Variants in NPFFR2 observed in about 807,000 individuals in gnomAD.
NPFFR2 encodes the protein neuropeptide FF receptor 2.
A neutral mutation model predicts 13.1 loss-of-function variants in NPFFR2; 15 were observed. That is an observed-to-expected ratio of 1.15 (90% CI 0.77 to 1.76). The LOEUF (loss-of-function observed/expected upper bound fraction) is 1.76, where lower values mean the gene tolerates loss of function less well. NPFFR2 is among the 40% of genes most tolerant of loss of function. The probability of loss-of-function intolerance (pLI) is 0.00; values close to 1 mark genes in which losing one functional copy is unlikely to be tolerated. For synonymous variants in NPFFR2, 190 were observed against 175.7 expected (o/e 1.08, Z -0.65); for missense variants, 572 against 503.5 (o/e 1.14, Z -1.30).
chr4:72,065,090 A>AG (rs1313284251), intron 1 of NPFFR2, among the ~76,000 whole-genome samples: 2 of 151,260 alleles, frequency 1.3e-5, no homozygotes, highest in Non-Finnish European at 2.9e-5. Flanking sequence ...GGTTGCTCAG[A>AG]GAAAAAAAAA....
chr4:72,147,944 A>C lies in NPFFR2; in HGVS notation c.*132A>C, dbSNP rs1219634905. ...CATTTACTGAAAGCCCTCTCTGGCA[A>C]AAAAATTAAAAATAAACAAAAATGG... On this transcript the variant is annotated 3_prime_UTR_variant, in exon 4 of 4. Coordinates refer to ENST00000308744, the MANE Select transcript of NPFFR2 (RefSeq NM_004885.3). 1.5e-6 allele frequency: 1 copy of C among 654,558 alleles called. No individual in the cohort carries two copies. Among genetic ancestry groups the C allele is most frequent in the Non-Finnish European group, 2.4e-6 (1 of 413,204 alleles). The allele number at this position is 654,558 out of a possible 1,614,324, so 40.5% of individuals were successfully genotyped here. A position where few individuals can be genotyped will look rare whatever the true frequency, so the allele number is the denominator to read the frequency against.
chr4:72,036,355 A>G (rs1719037598), intron 1 of NPFFR2, among the ~76,000 whole-genome samples: 2 of 152,026 alleles, frequency 1.3e-5, no homozygotes, highest in South Asian at 4.1e-4. Context: ...TCCTTTCCAC[A>G]TGAAAGCTAT....
At chr4:72,130,940 G>A (rs1447261328) in intron 2 of NPFFR2, among the ~76,000 whole-genome samples, 2 of 152,142 alleles carry the variant, frequency 1.3e-5, no homozygotes, top group Non-Finnish European at 2.9e-5. Context: ...TTATTGAGCG[G>A]TGGAAGTGGC....
chr4:72,080,174 T>A (rs1363003526), intron 1 of NPFFR2, among the ~76,000 whole-genome samples: 1 of 151,932 alleles, frequency 6.6e-6, no homozygotes, highest in African/African-American at 2.4e-5. Context: ...GTTTTGTTTT[T>A]CTTTTTTTGA....
chr4:72,138,025 T>C lies in NPFFR2; in HGVS notation c.329-15T>C. Reference sequence around the variant, plus strand: ...AAATATGATCTTTTGAAAGACTGTTTCATTTTCCTTTCAGGATGGCCATTT... The same window carrying C: ...AAATATGATCTTTTGAAAGACTGTTCCATTTTCCTTTCAGGATGGCCATTT... On this transcript the variant is annotated splice_polypyrimidine_tract_variant and intron_variant, in intron 2 of 3. Coordinates refer to ENST00000308744, the MANE Select transcript of NPFFR2 (RefSeq NM_004885.3). 1 of 1,587,070 alleles carries C rather than the reference T, an allele frequency of 6.3e-7. No individual in the cohort carries two copies. Among genetic ancestry groups the C allele is most frequent in the African/African-American group, 1.3e-5 (1 of 74,394 alleles).
intron 1 of NPFFR2, among the ~76,000 whole-genome samples, chr4:72,048,071 AT>A: frequency 6.6e-6 from 1 of 152,184 alleles, no homozygotes; most frequent in Non-Finnish European, 1.5e-5. Context: ...ACACACACGT[AT>A]ATTACACACA....
At position 72,046,408 on chromosome 4, in the gene NPFFR2, C is replaced by T. The variant is rs545342007; in HGVS notation, c.-8+14208C>T. Among the ~76,000 whole-genome samples, 19 of 152,210 alleles carry T rather than the reference C, an allele frequency of 1.2e-4. No homozygotes were observed. In the South Asian group the frequency reaches 2.7e-3, roughly 22 times the overall value. On this transcript the variant is annotated intron_variant, in intron 1 of 3. Transcript: ENST00000308744. Reference sequence around the variant, plus strand: ...TGGGCTCCTGATAAAAAGATAAGCCCAGCCGCCTTTTGTTCTCTCTGTCTC... The same window carrying T: ...TGGGCTCCTGATAAAAAGATAAGCCTAGCCGCCTTTTGTTCTCTCTGTCTC...
intron 1 of NPFFR2, among the ~76,000 whole-genome samples, chr4:72,120,694 A>G (rs1721846481): frequency 6.6e-6 from 1 of 152,246 alleles, no homozygotes; most frequent in Admixed American, 6.5e-5. Context: ...ACTAACAAAC[A>G]GAAAGGAATA....
intron 1 of NPFFR2, among the ~76,000 whole-genome samples, chr4:72,049,054 T>A (rs369039960): frequency 6.6e-6 from 1 of 152,102 alleles, no homozygotes; most frequent in Non-Finnish European, 1.5e-5. Flanking sequence ...TCTCATTCCC[T>A]TATTTTTTGA....
intron 1 of NPFFR2, among the ~76,000 whole-genome samples, chr4:72,103,983 A>C (rs1336482269): frequency 6.6e-6 from 1 of 152,114 alleles, no homozygotes; most frequent in African/African-American, 2.4e-5. Flanking sequence ...AAAGCTGGTA[A>C]CAGTTTTTGA....
chr4:72,117,362 C>T (rs1721743203), intron 1 of NPFFR2, among the ~76,000 whole-genome samples: 1 of 152,132 alleles, frequency 6.6e-6, no homozygotes, highest in South Asian at 2.1e-4. Flanking sequence ...AATCTGTTGG[C>T]ATATGAATAC....
At chr4:72,051,675 A>G (rs1337323363) in intron 1 of NPFFR2, among the ~76,000 whole-genome samples, 2 of 152,062 alleles carry the variant, frequency 1.3e-5, no homozygotes, top group East Asian at 1.9e-4. Context: ...AGAGACACAA[A>G]AAACCCTTCA....
At chr4:72,040,946 A>G (rs1348017613) in intron 1 of NPFFR2, among the ~76,000 whole-genome samples, 1 of 150,022 alleles carries the variant, frequency 6.7e-6, no homozygotes, top group African/African-American at 2.4e-5. Context: ...ATATATATTC[A>G]TTTTAATTTC....
intron 1 of NPFFR2, chr4:72,068,953 T>G: frequency 7.0e-7 from 1 of 1,430,084 alleles, no homozygotes; most frequent in East Asian, 2.8e-5. Context: ...TTATAGCTTT[T>G]GACATACAAG....
chr4:72,047,277 C>T (rs1361819156), intron 1 of NPFFR2, among the ~76,000 whole-genome samples: 1 of 152,092 alleles, frequency 6.6e-6, no homozygotes, highest in Non-Finnish European at 1.5e-5. Flanking sequence ...TGCTATATAT[C>T]AAGACCATGG....
chr4:72,119,880 G>A (rs1721819551), intron 1 of NPFFR2, among the ~76,000 whole-genome samples: 1 of 152,188 alleles, frequency 6.6e-6, no homozygotes, highest in African/African-American at 2.4e-5. Flanking sequence ...GCTAGCTGCA[G>A]TTTTTCTTTT....
chr4:72,080,449 A>G (rs1248586459), intron 1 of NPFFR2, among the ~76,000 whole-genome samples: 2 of 152,126 alleles, frequency 1.3e-5, no homozygotes, highest in Non-Finnish European at 2.9e-5. Context: ...GGTGTCAGCC[A>G]CCACGCCTGG....
intron 1 of NPFFR2, among the ~76,000 whole-genome samples, chr4:72,043,613 A>T (rs148953193): frequency 7.9e-5 from 12 of 152,300 alleles, no homozygotes; most frequent in Non-Finnish European, 1.6e-4. Context: ...GCCCTATTGG[A>T]TTTTGTGCTT....
chr4:72,060,954 A>G (rs1719903024), intron 1 of NPFFR2, among the ~76,000 whole-genome samples: 1 of 152,176 alleles, frequency 6.6e-6, no homozygotes, highest in Non-Finnish European at 1.5e-5. Context: ...TGTACCTTAT[A>G]CAATATCAGT....
Sources: allele counts gnomAD v4.1 joint callset (sites outside exome capture counted in the v4.1 genomes callset), GRCh38; gene constraint gnomAD v4.1.1; transcripts MANE v1.5; gene names NCBI Gene and HGNC (gene_info 2026-07-23, HGNC 2026-07-21).